Variants in SEMA3A observed in about 807,000 individuals in gnomAD.
SEMA3A encodes semaphorin-3A.
In SEMA3A, 29 loss-of-function variants were observed where a neutral mutation model predicts 97.9. That is an observed-to-expected ratio of 0.30 (90% confidence interval 0.22 to 0.40). The LOEUF is 0.40. Among genes scored for constraint, SEMA3A ranks in the 10% least tolerant of loss-of-function variants. The pLI, the probability that SEMA3A is intolerant of heterozygous loss-of-function variation, is 1.00. For synonymous variants in SEMA3A, 321 were observed against 323.7 expected, an observed-to-expected ratio of 0.99 and a Z score of 0.09; for missense variants, 763 against 951.3, an observed-to-expected ratio of 0.80 and a Z score of 2.60.
At chr7:83,980,623 A>ATATATATATAT (rs1554383377) in intron 14 of SEMA3A, among the ~76,000 whole-genome samples, 14 of 71,760 alleles carry the variant, frequency 2.0e-4, no homozygotes, top group African/African-American at 1.2e-3. Flanking sequence ...AAAAAAAAAA[A>ATATATATATAT]ATATATATAT....
At chr7:84,009,044 G>A (rs1034979155) in intron 9 of SEMA3A, among the ~76,000 whole-genome samples, 2 of 152,176 alleles carry the variant, frequency 1.3e-5, no homozygotes, top group Admixed American at 1.3e-4. Context: ...ATAAAGAGGT[G>A]AAATTATTTT....
rs139846239 is a variant in SEMA3A at position 84,179,009 on chromosome 7, A to G, written c.112+15466T>C. Among the ~76,000 whole-genome samples, 97 of 152,118 alleles carry G rather than the reference A, an allele frequency of 6.4e-4. No homozygotes were observed. The East Asian group carries it at 8.3e-3, about 13-fold the overall frequency. ...CTACTTCAAATATTTCTTTTCACATAAAGACTTTCCTGACTTCTTGACCCA... is the reference window on the plus strand; with the variant it reads ...CTACTTCAAATATTTCTTTTCACATGAAGACTTTCCTGACTTCTTGACCCA... On this transcript the variant is annotated intron_variant, in intron 1 of 16. Coordinates refer to ENST00000265362, the MANE Select transcript of SEMA3A (RefSeq NM_006080.3).
At chr7:84,223,973 T>C (rs1798935851) in intron 3 of SEMA3A, among the ~76,000 whole-genome samples, 2 of 151,878 alleles carry the variant, frequency 1.3e-5, no homozygotes, top group Admixed American at 1.3e-4. Context: ...TAAAAGTGCA[T>C]GGCCAAGGAA....
At chr7:84,331,646 A>G (rs78477161) in intron 2 of SEMA3A, among the ~76,000 whole-genome samples, 7,099 of 152,182 alleles carry the variant, frequency 0.047, 428 homozygotes, top group East Asian at 0.27. Flanking sequence ...ATAAAGAAAA[A>G]GAAGGAAACC....
chr7:84,045,884 T>C (rs1792328305), intron 6 of SEMA3A, among the ~76,000 whole-genome samples: 1 of 151,916 alleles, frequency 6.6e-6, no homozygotes, highest in Admixed American at 6.6e-5. Flanking sequence ...ACTATTAATA[T>C]GTTATTCACA....
At chr7:84,476,065 A>C (rs1806272197) in intron 1 of SEMA3A, among the ~76,000 whole-genome samples, 1 of 152,140 alleles carries the variant, frequency 6.6e-6, no homozygotes. Flanking sequence ...GTTGTTTAAA[A>C]ATTTTTTTTG....
At chr7:84,136,960 AGAAGGAAGGAAGGAAG>A (rs201748268) in intron 1 of SEMA3A, among the ~76,000 whole-genome samples, 30 of 141,212 alleles carry the variant, frequency 2.1e-4, no homozygotes, top group South Asian at 2.1e-3. Flanking sequence ...GAGGGAGGGA[AGAAGGAAGGAAGGAAG>A]GAAGGAAGGA....
chr7:84,408,117 T>C lies in SEMA3A; in HGVS notation c.-245-36217A>G, dbSNP rs554382832. ...CAGAGTGAATAGGCAACCTACAGAA[T>C]GGGAGAAAATTTTGCAACCTACTCA... On this transcript the variant is annotated intron_variant, in intron 1 of 3. Coordinates refer to the SEMA3A transcript ENST00000424555. 2.5e-4 allele frequency among the ~76,000 whole-genome samples: 38 copies of C among 152,164 alleles called. No homozygotes were observed. The South Asian group carries it at 6.2e-3, about 25-fold the overall frequency.
chr7:84,290,059 C>G (rs1000189893), intron 3 of SEMA3A, among the ~76,000 whole-genome samples: 1 of 152,002 alleles, frequency 6.6e-6, no homozygotes, highest in African/African-American at 2.4e-5. Flanking sequence ...CAAATCGATA[C>G]AGGCAAGAAT....
chr7:84,046,049 AT>A (rs1385289391), intron 6 of SEMA3A, among the ~76,000 whole-genome samples: 2 of 151,280 alleles, frequency 1.3e-5, no homozygotes, highest in Non-Finnish European at 2.9e-5. Context: ...ATCTTTTTCC[AT>A]TTCCTCCCTT....
chr7:84,352,975 G>C (rs1206993504), intron 2 of SEMA3A, among the ~76,000 whole-genome samples: 2 of 151,778 alleles, frequency 1.3e-5, no homozygotes, highest in South Asian at 2.1e-4. Flanking sequence ...TCATCCCTTA[G>C]TATCCATGAG....
At chr7:84,284,528 A>G (rs1313492081) in intron 3 of SEMA3A, among the ~76,000 whole-genome samples, 1 of 152,122 alleles carries the variant, frequency 6.6e-6, no homozygotes, top group Non-Finnish European at 1.5e-5. Context: ...GGCTAGGGAG[A>G]TGGCCAAATG....
upstream of SEMA3A, among the ~76,000 whole-genome samples, chr7:84,199,527 A>G (rs1236397486): frequency 6.6e-6 from 1 of 152,118 alleles, no homozygotes; most frequent in East Asian, 1.9e-4. Context: ...TGAGACATGT[A>G]AAAAACATAT....
intron 4 of SEMA3A, among the ~76,000 whole-genome samples, chr7:84,072,537 T>C (rs1793778877): frequency 6.6e-6 from 1 of 152,170 alleles, no homozygotes; most frequent in South Asian, 2.1e-4. Context: ...AATTTATTTT[T>C]GATATGTTCA....
At chr7:84,206,943 C>T (rs1003056927) in intron 3 of SEMA3A, among the ~76,000 whole-genome samples, 3 of 152,084 alleles carry the variant, frequency 2.0e-5, no homozygotes, top group African/African-American at 7.2e-5. Flanking sequence ...ACTTTGATTA[C>T]CCACCTTTAA....
chr7:84,392,903 C>T (rs941371953), intron 1 of SEMA3A, among the ~76,000 whole-genome samples: 2 of 151,976 alleles, frequency 1.3e-5, no homozygotes, highest in Non-Finnish European at 2.9e-5. Flanking sequence ...TGTTTTCAGT[C>T]TATAGAGTTG....
intron 3 of SEMA3A, among the ~76,000 whole-genome samples, chr7:84,227,293 G>A (rs1045012969): frequency 6.6e-6 from 1 of 151,906 alleles, no homozygotes; most frequent in Non-Finnish European, 1.5e-5. Context: ...AGATTAAAGA[G>A]TTTATCAAGA....
intron 4 of SEMA3A, among the ~76,000 whole-genome samples, chr7:84,082,775 C>CA (rs1302813190): frequency 6.6e-6 from 1 of 151,484 alleles, no homozygotes; most frequent in Non-Finnish European, 1.5e-5. Context: ...TATTCAAACT[C>CA]AAAAAAAGTA....
chr7:84,469,363 AAACAG>A (rs1297950340), intron 1 of SEMA3A, among the ~76,000 whole-genome samples: 4 of 152,184 alleles, frequency 2.6e-5, no homozygotes, highest in Non-Finnish European at 4.4e-5. Context: ...TTACTGGTTT[AAACAG>A]AAGAAAAGAG....
Sources: gnomAD v4.1 joint callset for allele counts (sites outside exome capture counted in the v4.1 genomes callset) on GRCh38, gnomAD v4.1.1 for gene constraint, MANE v1.5 for transcripts, NCBI Gene and HGNC (gene_info 2026-07-23, HGNC 2026-07-21) for gene names.